ABCC4: variants seen among roughly 807,000 people sequenced by gnomAD.
ABCC4 encodes the protein ATP-binding cassette sub-family C member 4.
A neutral mutation model predicts 168.5 loss-of-function variants in ABCC4; 102 were observed. The ratio of observed to expected loss-of-function variants is 0.61; its 90% CI spans 0.52 to 0.71. ABCC4 has a LOEUF of 0.71. Ranked by LOEUF, ABCC4 falls within the 30% of genes least tolerant of loss-of-function variation. The probability of loss-of-function intolerance (pLI) is 0.00; values close to 1 mark genes in which losing one functional copy is unlikely to be tolerated. For missense variants in ABCC4, 1,402 were observed against 1,605.8 expected (o/e 0.87, Z 2.17); for synonymous variants, 617 against 590.7 (o/e 1.04, Z -0.65).
At chr13:95,273,518 C>T (rs567339177) in intron 1 of ABCC4, among the ~76,000 whole-genome samples, 5 of 152,284 alleles carry the variant, frequency 3.3e-5, no homozygotes, top group South Asian at 2.1e-4. Context: ...TAAAATTAAA[C>T]GCAACAAGGC....
At chr13:95,063,726 G>C in intron 25 of ABCC4, among the ~76,000 whole-genome samples, 1 of 152,164 alleles carries the variant, frequency 6.6e-6, no homozygotes, top group East Asian at 1.9e-4. Context: ...CTGCCAATAC[G>C]ATCAAAGAAT....
chr13:95,126,940 TTTC>T (rs1398154393), intron 19 of ABCC4, among the ~76,000 whole-genome samples: 1 of 150,826 alleles, frequency 6.6e-6, no homozygotes, highest in Admixed American at 6.7e-5. Flanking sequence ...AACCATTGAA[TTTC>T]TTCTTTAAAA....
rs527606848 is a variant in ABCC4 at position 95,166,523 on chromosome 13, C to T, written c.1825-156G>A. On this transcript the variant is annotated intron_variant, in intron 14 of 30. Transcript: ENST00000645237. ...AAATCTAATACAATTCAACTTGATA[C>T]ACAACTGAGTGTTCTGTTCTCAGCC... Among the ~76,000 whole-genome samples, 23 of 152,276 alleles carry T rather than the reference C, an allele frequency of 1.5e-4. No individual in the cohort carries two copies. In the South Asian group the frequency reaches 3.5e-3, roughly 23 times the overall value.
At chr13:95,211,237 G>A (rs772985611) in intron 4 of ABCC4, among the ~76,000 whole-genome samples, 5 of 152,166 alleles carry the variant, frequency 3.3e-5, no homozygotes, top group Non-Finnish European at 5.9e-5. Flanking sequence ...GGGTTTCAAT[G>A]TGTTCAATGG....
At chr13:95,294,633 A>C (rs1161440819) in intron 1 of ABCC4, among the ~76,000 whole-genome samples, 1 of 152,020 alleles carries the variant, frequency 6.6e-6, no homozygotes, top group Non-Finnish European at 1.5e-5. Flanking sequence ...TTTCATGGTC[A>C]CCTCTGACCA....
intron 1 of ABCC4, among the ~76,000 whole-genome samples, chr13:95,271,672 A>C (rs2040850858): frequency 1.3e-5 from 2 of 152,244 alleles, no homozygotes; most frequent in Non-Finnish European, 2.9e-5. Context: ...CTGATCTGTA[A>C]TGGAACCTTC....
Position 95,209,503 on chromosome 13 carries a change from G to C in ABCC4, c.716C>G (p.Ala239Gly). The change falls in exon 6 of 31, where the codon GCT (alanine) becomes GGT (glycine). Residue 239 changes from alanine to glycine, a missense_variant. Physicochemically the swap from Ala to Gly is moderately conservative, Grantham distance 60. This residue lies in a region of ABCC4 where 317 missense variants were observed against 345.5 expected (regional missense o/e 0.92). Coordinates refer to ENST00000645237, the MANE Select transcript of ABCC4 (RefSeq NM_005845.5). ...GAGAATGATTAGAACTGCCATCCCA[G>C]CAAGGCACGATATTCCTATCTCCAT... is the stretch of plus-strand genomic sequence containing the variant. ...LWMEIGISCL[A>G]GMAVLIILLP... 6.2e-7 allele frequency: 1 copy of C among 1,614,198 alleles called. No individual in the cohort carries two copies. Among genetic ancestry groups the C allele is most frequent in the South Asian group, 1.1e-5 (1 of 91,086 alleles).
chr13:95,037,105 C>T (rs1232386841), intron 29 of ABCC4, among the ~76,000 whole-genome samples: 1 of 131,222 alleles, frequency 7.6e-6, no homozygotes, highest in Non-Finnish European at 1.6e-5. Context: ...AAAAAAAACC[C>T]CAAAATCCCA....
intron 20 of ABCC4, among the ~76,000 whole-genome samples, chr13:95,112,118 C>G (rs1322940904): frequency 1.3e-5 from 2 of 152,060 alleles, no homozygotes; most frequent in Non-Finnish European, 2.9e-5. Context: ...TTTGGGAGGC[C>G]GAGGTGGGTG....
intron 4 of ABCC4, among the ~76,000 whole-genome samples, chr13:95,228,837 A>G (rs2039541015): frequency 6.6e-6 from 1 of 151,836 alleles, no homozygotes; most frequent in Non-Finnish European, 1.5e-5. Flanking sequence ...AGGCAGGAGG[A>G]TCCCTTGAGC....
Position 95,055,882 on chromosome 13 carries a change from AAAC to A in ABCC4, c.3367-2701_3367-2699del, listed in dbSNP as rs1336702121. On this transcript the variant is annotated intron_variant, in intron 26 of 30. Transcript: ENST00000645237. ...TGGGAGACAGAGCAAGACTGTCTCA[AAAC>A]AACAGCAACAACAGCAAAAAAAAAA... 7.4e-5 allele frequency: 11 copies of A among 149,412 alleles called. No homozygotes were observed. In the Admixed American group the frequency reaches 7.4e-4, roughly 10 times the overall value. 9.3% of individuals were successfully genotyped at this position (149,412 alleles called of 1,614,324 possible).
chr13:95,206,439 G>A, intron 8 of ABCC4, 93 bp downstream of exon 8: 1 of 1,514,906 alleles, frequency 6.6e-7, no homozygotes, highest in Non-Finnish European at 9.0e-7. Flanking sequence ...AGAGTTAAAT[G>A]TCATTACACT....
chr13:95,269,250 G>T (rs1467336913), intron 1 of ABCC4: 1 of 454,038 alleles, frequency 2.2e-6, no homozygotes, highest in Non-Finnish European at 4.4e-6. Context: ...ACCCTGATTT[G>T]CCATACCTAA....
intron 20 of ABCC4, among the ~76,000 whole-genome samples, chr13:95,090,429 C>A (rs920581205): frequency 1.2e-4 from 19 of 152,190 alleles, no homozygotes; most frequent in African/African-American, 4.1e-4. Context: ...CCAAAGAGAT[C>A]TCTGTGAGGT....
At chr13:95,238,210 A>AG (rs1172112011) in intron 3 of ABCC4, among the ~76,000 whole-genome samples, 2 of 151,628 alleles carry the variant, frequency 1.3e-5, no homozygotes, top group African/African-American at 2.4e-5. Flanking sequence ...AAAAAAAAAA[A>AG]AAAAAAGAAA....
intron 1 of ABCC4, among the ~76,000 whole-genome samples, chr13:95,283,300 A>G (rs2041174330): frequency 2.0e-5 from 3 of 150,832 alleles, no homozygotes; most frequent in African/African-American, 7.3e-5. Flanking sequence ...TGGAGGACTG[A>G]TTAAAACACA....
At chr13:95,294,969 T>TAA (rs1255212566) in intron 1 of ABCC4, among the ~76,000 whole-genome samples, 1 of 151,830 alleles carries the variant, frequency 6.6e-6, no homozygotes, top group East Asian at 1.9e-4. Flanking sequence ...ATTAAAAAAT[T>TAA]AAAAACAAAA....
intron 19 of ABCC4, among the ~76,000 whole-genome samples, chr13:95,134,247 G>A (rs1346834501): frequency 2.6e-5 from 4 of 152,162 alleles, no homozygotes; most frequent in Admixed American, 2.0e-4. Context: ...AAAAAGAGAG[G>A]ATAGAGGATC....
intron 20 of ABCC4, among the ~76,000 whole-genome samples, chr13:95,086,049 AT>A: frequency 7.1e-6 from 1 of 140,836 alleles, no homozygotes; most frequent in Middle Eastern, 3.6e-3. Context: ...TGTATTTTTT[AT>A]ATTTTTGTTT....
Sources: gnomAD v4.1 joint callset for allele counts (sites outside exome capture counted in the v4.1 genomes callset) on GRCh38, gnomAD v4.1.1 for gene constraint, gnomAD v4.1.1 regional missense constraint, MANE v1.5 for transcripts, NCBI Gene and HGNC (gene_info 2026-07-23, HGNC 2026-07-21) for gene names.